SLC27A6: variants seen among roughly 807,000 people sequenced by gnomAD.
SLC27A6 encodes solute carrier family 27 member 6.
In SLC27A6, 74 loss-of-function variants were observed where a neutral mutation model predicts 63.9. The observed-to-expected ratio is 1.16, with a 90% CI of 0.96 to 1.40. The LOEUF is 1.40. Among genes scored for constraint, SLC27A6 ranks in the 40% most tolerant of loss-of-function variants. The probability of loss-of-function intolerance (pLI) is 0.00; values close to 1 mark genes in which losing one functional copy is unlikely to be tolerated. For synonymous variants in SLC27A6, 287 were observed against 260.8 expected (o/e 1.10, Z -0.97); for missense variants, 794 against 732.9 (o/e 1.08, Z -0.96).
At chr5:129,020,733 C>T (rs1032703058) in intron 5 of SLC27A6, among the ~76,000 whole-genome samples, 3 of 152,058 alleles carry the variant, frequency 2.0e-5, no homozygotes, top group African/African-American at 7.2e-5. Context: ...CCCCACAAGA[C>T]CACTCCCATT....
chr5:129,012,487 G>C (rs962884947), intron 4 of SLC27A6, among the ~76,000 whole-genome samples: 3 of 151,750 alleles, frequency 2.0e-5, no homozygotes, highest in African/African-American at 7.3e-5. Flanking sequence ...AGGTCAAGTT[G>C]GTTAGTTTTC....
At chr5:129,029,760 T>C in intron 9 of SLC27A6, 53 bp downstream of exon 9, 1 of 1,474,488 alleles carries the variant, frequency 6.8e-7, no homozygotes, top group Non-Finnish European at 9.3e-7. Context: ...AACAAGGAAG[T>C]AGTTTAATTG....
chr5:129,030,432 A>C (rs67093030), intron 9 of SLC27A6, among the ~76,000 whole-genome samples: 33,979 of 151,774 alleles, frequency 0.22, 3,865 homozygotes, highest in Middle Eastern at 0.28. Context: ...AGACTCCTAG[A>C]GGAGCAATAA....
At chr5:128,984,376 A>T (rs1750714269) in intron 1 of SLC27A6, among the ~76,000 whole-genome samples, 1 of 152,120 alleles carries the variant, frequency 6.6e-6, no homozygotes, top group African/African-American at 2.4e-5. Flanking sequence ...TGAACAGATG[A>T]TATTTTTTTC....
chr5:129,026,187 C>G (rs1027127549), intron 6 of SLC27A6, among the ~76,000 whole-genome samples: 7 of 152,050 alleles, frequency 4.6e-5, no homozygotes, highest in African/African-American at 1.7e-4. Context: ...TTGCTGGACT[C>G]CAACTTCATC....
At chr5:129,011,968 G>T (rs1453906426) in intron 4 of SLC27A6, among the ~76,000 whole-genome samples, 1 of 150,218 alleles carries the variant, frequency 6.7e-6, no homozygotes, top group Non-Finnish European at 1.5e-5. Context: ...GATACATATA[G>T]ATATAGATAT....
chr5:128,999,532 C>G (rs1218235243), intron 4 of SLC27A6, among the ~76,000 whole-genome samples: 1 of 152,150 alleles, frequency 6.6e-6, no homozygotes. Flanking sequence ...TGTCTTCTCC[C>G]TTGATTTCTA....
intron 4 of SLC27A6, among the ~76,000 whole-genome samples, chr5:129,007,461 A>AAT (rs1751580396): frequency 6.8e-6 from 1 of 147,654 alleles, no homozygotes; most frequent in Non-Finnish European, 1.5e-5. Flanking sequence ...AAAAAAAAAA[A>AAT]AAAATATAAT....
At chr5:129,006,446 AGTGTGTGTGTGTGTGTGT>A (rs72056782) in intron 4 of SLC27A6, among the ~76,000 whole-genome samples, 9 of 144,132 alleles carry the variant, frequency 6.2e-5, no homozygotes, top group South Asian at 2.3e-4. Flanking sequence ...TATATGCATG[AGTGTGTGTGTGTGTGTGT>A]GTGTGTGTGT....
At chr5:128,976,727 A>G (rs1462832843) in intron 1 of SLC27A6, among the ~76,000 whole-genome samples, 1 of 152,164 alleles carries the variant, frequency 6.6e-6, no homozygotes. Context: ...GCAAGGCTGC[A>G]TGCATTATTT....
chr5:128,976,841 G>T (rs1298207698), intron 1 of SLC27A6, among the ~76,000 whole-genome samples: 3 of 152,186 alleles, frequency 2.0e-5, no homozygotes, highest in African/African-American at 7.2e-5. Context: ...TAAATTGAAA[G>T]AGTTCCGGGT....
intron 1 of SLC27A6, among the ~76,000 whole-genome samples, chr5:128,978,422 C>T (rs1026769276): frequency 3.3e-5 from 5 of 152,148 alleles, no homozygotes; most frequent in African/African-American, 4.8e-5. Flanking sequence ...CTCCCAAAAC[C>T]GCTGAGAGTG....
chr5:129,022,899 G>A (rs1232308900), intron 5 of SLC27A6, among the ~76,000 whole-genome samples: 1 of 152,064 alleles, frequency 6.6e-6, no homozygotes, highest in African/African-American at 2.4e-5. Flanking sequence ...GAGAATTTAG[G>A]GGACAAATGA....
intron 1 of SLC27A6, among the ~76,000 whole-genome samples, chr5:128,969,607 A>G (rs1561607384): frequency 6.6e-6 from 1 of 152,174 alleles, no homozygotes; most frequent in Non-Finnish European, 1.5e-5. Context: ...ATTTTTGCAC[A>G]TTGATTTTCT....
chr5:129,003,132 C>T (rs141009905), intron 4 of SLC27A6, among the ~76,000 whole-genome samples: 12 of 150,988 alleles, frequency 7.9e-5, no homozygotes, highest in South Asian at 4.2e-4. Flanking sequence ...TGCCTGTGCA[C>T]GAGAGAGAGA....
In SLC27A6 at chr5:129,031,193, C is replaced by G. The variant is rs1032265818; in HGVS notation, c.1683+1486C>G. On this transcript the variant is annotated intron_variant, in intron 9 of 9. Transcript: ENST00000262462. ...CACCTAAAAAGAACATGGACCATGA[C>G]TGTTATGTTTATTAGAGTATTCACT... Among the ~76,000 whole-genome samples the G allele has an allele frequency of 2.8e-4, 42 of 151,974 alleles. 1 individual carries two copies. The highest frequency in any genetic ancestry group is 5.9e-5 in the Non-Finnish European group (4 of 67,940).
Position 129,000,335 on chromosome 5 carries a change from T to G in SLC27A6, c.969+9871T>G, listed in dbSNP as rs115130909. Among the ~76,000 whole-genome samples, 1,429 of 152,294 alleles carry G rather than the reference T, an allele frequency of 9.4e-3. 16 individuals carry two copies. The highest frequency in any genetic ancestry group is 0.032 in the African/African-American group (1,318 of 41,564). The stretch of plus-strand genomic sequence containing the variant: ...ACTATTGCATAAGTTCCATTATGTA[T>G]TATTATATCCTTAGTGCCTAGAATG... On this transcript the variant is annotated intron_variant, in intron 4 of 9. Transcript: ENST00000262462.
At chr5:128,982,978 A>G (rs1204426783) in intron 1 of SLC27A6, among the ~76,000 whole-genome samples, 1 of 152,170 alleles carries the variant, frequency 6.6e-6, no homozygotes. Context: ...CCCACTTGAC[A>G]TATTTATCTT....
intron 4 of SLC27A6, among the ~76,000 whole-genome samples, chr5:129,007,770 T>G (rs1438575891): frequency 6.6e-6 from 1 of 152,058 alleles, no homozygotes; most frequent in African/African-American, 2.4e-5. Context: ...CTTCCAGGGA[T>G]CTGTCCTAAT....
Sources: gnomAD v4.1 joint callset for allele counts (sites outside exome capture counted in the v4.1 genomes callset) on GRCh38, gnomAD v4.1.1 for gene constraint, MANE v1.5 for transcripts, NCBI Gene and HGNC (gene_info 2026-07-23, HGNC 2026-07-21) for gene names.